TMEM161B: variants seen among roughly 807,000 people sequenced by gnomAD.
The protein encoded by TMEM161B is transmembrane protein 161B.
Under a neutral mutation model 61.8 loss-of-function variants are expected in TMEM161B, and 34 were observed. The ratio of observed to expected loss-of-function variants is 0.55; its 90% CI spans 0.42 to 0.73. The LOEUF is 0.73. Ranked by LOEUF, TMEM161B falls within the 30% of genes least tolerant of loss-of-function variation. The pLI is 0.00. For missense variants in TMEM161B, 456 were observed against 558.5 expected, an observed-to-expected ratio of 0.82 and a Z score of 1.85; for synonymous variants, 167 against 192.8, an observed-to-expected ratio of 0.87 and a Z score of 1.11.
At chr5:88,263,003 T>C (rs1367622576) in intron 1 of TMEM161B, among the ~76,000 whole-genome samples, 1 of 152,176 alleles carries the variant, frequency 6.6e-6, no homozygotes, top group Non-Finnish European at 1.5e-5. Flanking sequence ...ATTTCTATTA[T>C]TTTTCTGTTT....
At chr5:88,258,566 G>A (rs1186237646) in intron 1 of TMEM161B, among the ~76,000 whole-genome samples, 2 of 152,092 alleles carry the variant, frequency 1.3e-5, no homozygotes, top group South Asian at 2.1e-4. Flanking sequence ...TATGGAACAC[G>A]AATACTTAAA....
chr5:88,203,173 T>G (rs1428686242), intron 8 of TMEM161B, 98 bp from the exon 9 acceptor site: 1 of 701,412 alleles, frequency 1.4e-6, no homozygotes, highest in African/African-American at 1.8e-5. Flanking sequence ...TAGGAGCTTA[T>G]TTGCAGTATT....
At chr5:88,205,992 A>G in intron 7 of TMEM161B, 38 bp from the exon 8 acceptor site, 1 of 1,426,544 alleles carries the variant, frequency 7.0e-7, no homozygotes. Flanking sequence ...ATAAATTTTT[A>G]TAATTAGCTT....
intron 1 of TMEM161B, among the ~76,000 whole-genome samples, chr5:88,249,117 A>G (rs535020341): frequency 6.6e-5 from 10 of 152,252 alleles, no homozygotes; most frequent in Non-Finnish European, 1.3e-4. Flanking sequence ...TCAGTTTCCC[A>G]GCTAACCATC....
At position 88,268,710 on chromosome 5, in the gene TMEM161B, G is replaced by T. The variant is rs756425921; in HGVS notation, c.3+11C>A. 6.2e-7 allele frequency: 1 copy of T among 1,614,104 alleles called. No homozygotes were observed. The stretch of plus-strand genomic sequence containing the variant: ...CACCGTTGTCACTCCTGCCCTCACA[G>T]AAGAACTCACCATGGCGCCTAGGAT... On this transcript the variant is annotated intron_variant, in intron 1 of 11. Coordinates refer to ENST00000296595, the MANE Select transcript of TMEM161B (RefSeq NM_153354.5).
chr5:88,194,338 C>T (rs181893765), downstream of TMEM161B, among the ~76,000 whole-genome samples: 14 of 152,198 alleles, frequency 9.2e-5, no homozygotes, highest in East Asian at 3.9e-4. Flanking sequence ...TCTTTTTTTA[C>T]GGCTGCATGG....
intron 5 of TMEM161B, among the ~76,000 whole-genome samples, chr5:88,217,658 A>G (rs192034944): frequency 1.6e-4 from 24 of 152,316 alleles, no homozygotes; most frequent in African/African-American, 5.1e-4. Context: ...AACCAGTTCA[A>G]TCTGCCCACA....
chr5:88,259,884 T>G (rs1416935643), intron 1 of TMEM161B, among the ~76,000 whole-genome samples: 2 of 152,186 alleles, frequency 1.3e-5, no homozygotes, highest in East Asian at 3.9e-4. Flanking sequence ...AATTTTTTCA[T>G]AAGTGAATCT....
chr5:88,190,900 A>T (rs969179081), downstream of TMEM161B, among the ~76,000 whole-genome samples: 2 of 152,136 alleles, frequency 1.3e-5, no homozygotes, highest in Non-Finnish European at 2.9e-5. Context: ...AGTGTACATT[A>T]TTCTTTTATT....
At chr5:88,197,894 T>C in intron 10 of TMEM161B, 129 bp from the exon 11 acceptor site, 2 of 715,042 alleles carry the variant, frequency 2.8e-6, no homozygotes, top group Non-Finnish European at 4.4e-6. Context: ...TAAATGTCAG[T>C]AAGTTGTGCT....
At chr5:88,252,566 A>G (rs1754467572) in intron 1 of TMEM161B, among the ~76,000 whole-genome samples, 1 of 152,236 alleles carries the variant, frequency 6.6e-6, no homozygotes, top group Non-Finnish European at 1.5e-5. Flanking sequence ...ATAAAGTATA[A>G]CAACTGTAGA....
intron 4 of TMEM161B, 22 bp from the exon 5 acceptor site, chr5:88,220,741 A>AAAAAAAAAAAAAC: frequency 6.6e-7 from 1 of 1,519,420 alleles, no homozygotes; most frequent in South Asian, 1.3e-5. Context: ...AAAAAAAAAA[A>AAAAAAAAAAAAAC]AAAAAAAAAA....
At chr5:88,193,486 C>A (rs1749177837), downstream of TMEM161B, among the ~76,000 whole-genome samples, 1 of 152,016 alleles carries the variant, frequency 6.6e-6, no homozygotes, top group Non-Finnish European at 1.5e-5. Flanking sequence ...AGACAAAATG[C>A]ATAAATAAAC....
At chr5:88,218,015 GAAGA>G (rs1748226317) in intron 5 of TMEM161B, among the ~76,000 whole-genome samples, 1 of 151,096 alleles carries the variant, frequency 6.6e-6, no homozygotes. Flanking sequence ...CAGGTGAACA[GAAGA>G]AAAAGAGGTT....
chr5:88,223,680 G>A (rs1304349759), intron 4 of TMEM161B, among the ~76,000 whole-genome samples: 2 of 152,144 alleles, frequency 1.3e-5, no homozygotes, highest in Non-Finnish European at 2.9e-5. Flanking sequence ...GAGGTCAGGA[G>A]ATTGAGACCA....
chr5:88,199,034 C>A lies in TMEM161B; in HGVS notation c.1031G>T (p.Cys344Phe), dbSNP rs750916496. Residue 344 changes from cysteine (C) to phenylalanine (F), a missense_variant, in exon 10 of 12, where the codon TGT becomes TTT. Transcript: ENST00000296595. Reference sequence around the variant, plus strand: ...CGCTTCTTTCTTCATCTGATCCACACATTTTTGGGCTAAATTTAAATAAGC... The same window carrying A: ...CGCTTCTTTCTTCATCTGATCCACAAATTTTTGGGCTAAATTTAAATAAGC... ...LQAYLNLAQK[C>F]VDQMKKEAGR... The A allele has an allele frequency of 5.0e-6, 8 of 1,613,090 alleles. No individual in the cohort carries two copies. The highest frequency in any genetic ancestry group is 1.3e-5 in the African/African-American group (1 of 74,932).
chr5:88,259,064 C>T (rs1580731546), intron 1 of TMEM161B, among the ~76,000 whole-genome samples: 1 of 152,290 alleles, frequency 6.6e-6, no homozygotes, highest in South Asian at 2.1e-4. Flanking sequence ...TAAGCCACTT[C>T]TACTAGTAGA....
chr5:88,268,361 T>C (rs1352671989), intron 1 of TMEM161B, among the ~76,000 whole-genome samples: 1 of 152,170 alleles, frequency 6.6e-6, no homozygotes, highest in Non-Finnish European at 1.5e-5. Flanking sequence ...TTGGCCACTG[T>C]TCCGCGGATG....
chr5:88,197,882 GCT>G, intron 10 of TMEM161B, 117 bp from the exon 11 acceptor site: 1 of 819,626 alleles, frequency 1.2e-6, no homozygotes, highest in Non-Finnish European at 1.9e-6. Context: ...CAAGAAGGAA[GCT>G]AAATGTCAGT....
Sources: gnomAD v4.1 joint callset for allele counts (sites outside exome capture counted in the v4.1 genomes callset) on GRCh38, gnomAD v4.1.1 for gene constraint, MANE v1.5 for transcripts, NCBI Gene and HGNC (gene_info 2026-07-23, HGNC 2026-07-21) for gene names.